GSE1: variants seen among roughly 807,000 people sequenced by gnomAD.
The protein encoded by GSE1 is genetic suppressor element 1.
Under a neutral mutation model 112.6 loss-of-function variants are expected in GSE1, and 32 were observed. The observed-to-expected ratio is 0.28, with a 90% CI of 0.21 to 0.38. GSE1 has a LOEUF of 0.38. Among genes scored for constraint, GSE1 ranks in the 10% least tolerant of loss-of-function variants. The pLI, the probability that GSE1 is intolerant of heterozygous loss-of-function variation, is 1.00. For synonymous variants in GSE1, 1,115 were observed against 735.6 expected, an observed-to-expected ratio of 1.52 and a Z score of -8.35; for missense variants, 2,348 against 1,699.2, an observed-to-expected ratio of 1.38 and a Z score of -6.71.
In GSE1 at chr16:85,634,064, A is replaced by G. The variant is rs747361801; in HGVS notation, c.158A>G (p.Gln53Arg). The G allele has an allele frequency of 3.7e-6, 6 of 1,606,120 alleles. No individual in the cohort carries two copies. In the African/African-American group the frequency reaches 5.4e-5, roughly 14 times the overall value. The change falls in exon 2 of 16, where the codon CAG becomes CGG. Residue 53 changes from glutamine to arginine, a missense_variant. By Grantham distance (43) the Gln-to-Arg change is conservative (BLOSUM62 1). Coordinates refer to ENST00000253458, the MANE Select transcript of GSE1 (RefSeq NM_014615.5). ...GCCACCAGCAGCGCGCTGTCGGCCC[A>G]GGCCGCGCCATCCTCCAGCTTTGCC... is the stretch of plus-strand genomic sequence containing the variant. The part of the protein sequence containing the change: ...SPATSSALSA[Q>R]AAPSSSFAAA...
intron 4 of GSE1, 119 bp downstream of exon 4, chr16:85,654,569 C>T (rs774709782): frequency 5.4e-5 from 50 of 922,646 alleles, no homozygotes; most frequent in Non-Finnish European, 6.8e-5. Context: ...AGATGGTTGT[C>T]GGCCGCTGAG....
At chr16:85,540,778 G>A (rs2044490216) in intron 2 of GSE1, among the ~76,000 whole-genome samples, 1 of 152,050 alleles carries the variant, frequency 6.6e-6, no homozygotes. Flanking sequence ...GAAGTGGCAT[G>A]GGCCTGTAGT....
chr16:85,435,156 G>T (rs998903245), intron 2 of GSE1, among the ~76,000 whole-genome samples: 2 of 152,200 alleles, frequency 1.3e-5, no homozygotes, highest in South Asian at 2.1e-4. Flanking sequence ...CAGAGGCCCA[G>T]GCAGGCTGAG....
chr16:85,484,138 C>T (rs1235939435), intron 2 of GSE1, among the ~76,000 whole-genome samples: 6 of 152,222 alleles, frequency 3.9e-5, no homozygotes, highest in Admixed American at 2.0e-4. Context: ...AGGAATATGC[C>T]CCTTCATAGA....
chr16:85,585,630 T>A (rs2046656872), intron 1 of GSE1, among the ~76,000 whole-genome samples: 1 of 152,194 alleles, frequency 6.6e-6, no homozygotes, highest in Non-Finnish European at 1.5e-5. Flanking sequence ...ATCATTGCAG[T>A]CTGCTGCAGG....
chr16:85,301,814 A>G (rs1331841486), intron 1 of GSE1, among the ~76,000 whole-genome samples: 8 of 152,148 alleles, frequency 5.3e-5, no homozygotes, highest in Non-Finnish European at 1.2e-4. Context: ...CAGCAGTCAG[A>G]TCCTGCTGTT....
At chr16:85,611,331 C>T (rs1374744249), upstream of GSE1, 1 of 208,432 alleles carries the variant, frequency 4.8e-6, no homozygotes, top group Admixed American at 6.5e-5. Flanking sequence ...CCTCCCCCTC[C>T]CAGCCCTGGC....
intron 1 of GSE1, among the ~76,000 whole-genome samples, chr16:85,348,296 TCATC>T (rs57742912): frequency 0.14 from 21,289 of 151,184 alleles, 1,740 homozygotes; most frequent in Non-Finnish European, 0.19. Context: ...CATCCACTGT[TCATC>T]CATCCATCCA....
intron 1 of GSE1, among the ~76,000 whole-genome samples, chr16:85,233,629 C>T (rs1904321065): frequency 2.6e-5 from 4 of 151,954 alleles, no homozygotes; most frequent in Admixed American, 6.6e-5. Context: ...TGTGTGTGTG[C>T]ATGTGGTGTG....
intron 1 of GSE1, among the ~76,000 whole-genome samples, chr16:85,243,556 A>G (rs907590186): frequency 1.3e-5 from 2 of 152,210 alleles, no homozygotes; most frequent in African/African-American, 4.8e-5. Flanking sequence ...GGGGCTGGGA[A>G]ATAAACCACA....
intron 1 of GSE1, among the ~76,000 whole-genome samples, chr16:85,229,938 G>A (rs1306113720): frequency 6.6e-6 from 1 of 152,228 alleles, no homozygotes; most frequent in African/African-American, 2.4e-5. Flanking sequence ...GTGTCTCCCA[G>A]GAGGTTTGTG....
intron 1 of GSE1, among the ~76,000 whole-genome samples, chr16:85,222,184 CT>C (rs1211332120): frequency 1.3e-5 from 2 of 152,216 alleles, no homozygotes; most frequent in Non-Finnish European, 2.9e-5. Flanking sequence ...GAGCAGCCTC[CT>C]GCACTTCAGT....
intron 2 of GSE1, among the ~76,000 whole-genome samples, chr16:85,466,350 C>T (rs1253152423): frequency 6.6e-6 from 1 of 152,178 alleles, no homozygotes; most frequent in Non-Finnish European, 1.5e-5. Flanking sequence ...CCCCCAGGAC[C>T]CCCTGGGGAG....
chr16:85,641,248 C>CCCGGCTCCAT (rs988399557), intron 2 of GSE1, among the ~76,000 whole-genome samples: 1 of 152,266 alleles, frequency 6.6e-6, no homozygotes, highest in Non-Finnish European at 1.5e-5. Flanking sequence ...CGCGGACTCT[C>CCCGGCTCCAT]CCGGCTCCAT....
At chr16:85,640,905 G>T (rs2050391207) in intron 2 of GSE1, among the ~76,000 whole-genome samples, 1 of 151,908 alleles carries the variant, frequency 6.6e-6, no homozygotes, top group South Asian at 2.1e-4. Context: ...TGGCCCGGGG[G>T]CCAGAGGGCT....
At chr16:85,611,598 G>A, upstream of GSE1, 3 of 557,664 alleles carry the variant, frequency 5.4e-6, no homozygotes, top group Non-Finnish European at 2.3e-6. Flanking sequence ...TGGTCTGCCC[G>A]GAGCCTTGTG....
chr16:85,282,177 A>G (rs886994052), intron 1 of GSE1, among the ~76,000 whole-genome samples: 9 of 151,936 alleles, frequency 5.9e-5, no homozygotes, highest in African/African-American at 2.2e-4. Flanking sequence ...ACAGGCGTGC[A>G]CCACCATGCC....
intron 1 of GSE1, among the ~76,000 whole-genome samples, chr16:85,173,719 C>T (rs1001933169): frequency 1.3e-5 from 2 of 152,164 alleles, no homozygotes; most frequent in African/African-American, 4.8e-5. Context: ...TGGGATGCTG[C>T]CCGTCGGCCT....
At chr16:85,313,138 C>T (rs1375024920) in intron 1 of GSE1, among the ~76,000 whole-genome samples, 2 of 152,208 alleles carry the variant, frequency 1.3e-5, no homozygotes, top group African/African-American at 4.8e-5. Flanking sequence ...GGAACCGTCT[C>T]AGAAAGTGAG....
Sources: allele counts gnomAD v4.1 joint callset (sites outside exome capture counted in the v4.1 genomes callset), GRCh38; gene constraint gnomAD v4.1.1; transcripts MANE v1.5; gene names NCBI Gene and HGNC (gene_info 2026-07-23, HGNC 2026-07-21).